The following RADIL variants were observed in gnomAD, a reference collection of about 807,000 sequenced individuals.
RADIL encodes the protein ras-associating and dilute domain-containing protein.
Under a neutral mutation model 97.6 loss-of-function variants are expected in RADIL, and 99 were observed. The observed-to-expected ratio is 1.01, with a 90% CI of 0.86 to 1.20. The LOEUF is 1.20. Ranked by LOEUF, RADIL falls within the 50% of genes most tolerant of loss-of-function variation. The pLI is 0.00. For synonymous variants in RADIL, 803 were observed against 691.8 expected (o/e 1.16, Z -2.52); for missense variants, 1,765 against 1,498.9 (o/e 1.18, Z -2.93).
At chr7:4,808,869 G>C (rs1290162431) in intron 9 of RADIL, 1 of 902,310 alleles carries the variant, frequency 1.1e-6, no homozygotes, top group African/African-American at 3.0e-5. Context: ...GCCCCTCCGC[G>C]TCTCCTTCCA....
rs60509640 is a variant in RADIL at position 4,815,593 on chromosome 7, G to T, written c.1967-143C>A. ...GATGACAGGCAGGACACCTTCCCTC[G>T]GTTTTCAAGGCAACTGACCAGCCTT... On this transcript the variant is annotated intron_variant, in intron 8 of 14. Transcript: ENST00000399583. This position sits in a 1 kb window ranked among gnomAD's most constrained non-coding sequence, Gnocchi z 8.0. The T allele has an allele frequency of 5.3e-6, 5 of 937,544 alleles. No individual in the cohort carries two copies. The highest frequency in any genetic ancestry group is 1.7e-5 in the African/African-American group (1 of 58,430). The allele number at this position is 937,544 out of a possible 1,614,324, so 58.1% of individuals were successfully genotyped here.
At chr7:4,852,147 A>G (rs1262601100) in intron 2 of RADIL, among the ~76,000 whole-genome samples, 4 of 152,208 alleles carry the variant, frequency 2.6e-5, no homozygotes, top group African/African-American at 7.2e-5. Flanking sequence ...AGAAAATTAT[A>G]CCAGCAGAAA....
intron 2 of RADIL, chr7:4,861,932 T>G: frequency 5.5e-6 from 3 of 547,100 alleles, no homozygotes; most frequent in Middle Eastern, 5.2e-4. Context: ...CCGACCCCAC[T>G]CCCACTCCCG....
intron 5 of RADIL, among the ~76,000 whole-genome samples, chr7:4,831,313 C>G (rs1022702053): frequency 6.6e-6 from 1 of 151,704 alleles, no homozygotes. Context: ...TTCTCACTTA[C>G]AAGTGGGAGC....
In RADIL at chr7:4,799,207, A is replaced by G. The variant is rs1018914044; in HGVS notation, c.*171T>C. 6.9e-5 allele frequency: 42 copies of G among 605,754 alleles called. No individual in the cohort carries two copies. The Admixed American group carries it at 1.2e-3, about 17-fold the overall frequency. 37.5% of individuals were successfully genotyped at this position (605,754 alleles called of 1,614,324 possible). A position where few individuals can be genotyped will look rare whatever the true frequency, so the allele number is the denominator to read the frequency against. On this transcript the variant is annotated 3_prime_UTR_variant, in exon 15 of 15. Coordinates refer to ENST00000399583, the MANE Select transcript of RADIL (RefSeq NM_018059.5). The stretch of plus-strand genomic sequence containing the variant: ...CACAATTTCACGTCATCTGCCATAT[A>G]AATAGAACCTACACTGAGATGCATG...
rs1238162053 is a variant in RADIL at position 4,814,559 on chromosome 7, G to T, written c.2139+719C>A. Among the ~76,000 whole-genome samples the T allele has an allele frequency of 6.6e-6, 1 of 151,960 alleles. No homozygotes were observed. The highest frequency in any genetic ancestry group is 1.5e-5 in the Non-Finnish European group (1 of 67,982). The stretch of plus-strand genomic sequence containing the variant: ...GAAGGGGGGTGGTGAGTGGCTGACT[G>T]TGTTGGGAGGGGGGTGGTGAGCAGC... On this transcript the variant is annotated intron_variant, in intron 9 of 14. Coordinates refer to ENST00000399583, the MANE Select transcript of RADIL (RefSeq NM_018059.5). The surrounding 1 kb of genome is among the most constrained non-coding windows in gnomAD (Gnocchi z 4.5).
chr7:4,825,287 T>C (rs957280347), intron 5 of RADIL, among the ~76,000 whole-genome samples: 1 of 151,854 alleles, frequency 6.6e-6, no homozygotes, highest in Non-Finnish European at 1.5e-5. Flanking sequence ...AAGGCGCGGG[T>C]ATCTCCTGCG....
Position 4,813,104 on chromosome 7 carries a change from C to CCTTT in RADIL, c.2139+2170_2139+2173dup, listed in dbSNP as rs148471896. Among the ~76,000 whole-genome samples, 1 of 147,312 alleles carries CCTTT rather than the reference C, an allele frequency of 6.8e-6. No individual in the cohort carries two copies. The highest frequency in any genetic ancestry group is 2.0e-4 in the East Asian group (1 of 5,042). ...TCTCTCTCTCTCTCTCTCTCTCTTT[C>CCTTT]CTTTCTTTCTTTCTTTTCTTTCTTT... On this transcript the variant is annotated intron_variant, in intron 9 of 14. Coordinates refer to ENST00000399583, the MANE Select transcript of RADIL (RefSeq NM_018059.5). This position sits in a 1 kb window ranked among gnomAD's most constrained non-coding sequence, Gnocchi z 5.0.
intron 9 of RADIL, among the ~76,000 whole-genome samples, chr7:4,806,537 G>A (rs78828628): frequency 0.021 from 3,162 of 152,290 alleles, 45 homozygotes; most frequent in Middle Eastern, 0.051. Flanking sequence ...AGGAAGGGTG[G>A]ATCCCTCCAA....
chr7:4,799,519 G>A lies in RADIL; in HGVS notation c.3123-36C>T, dbSNP rs754144064. On this transcript the variant is annotated intron_variant, in intron 14 of 14. Coordinates refer to ENST00000399583, the MANE Select transcript of RADIL (RefSeq NM_018059.5). Reference sequence around the variant, plus strand: ...TGCCAGAGGTGGGGGTGGGCAGGAGGGCACCAGGGGAGACCCACAGGGTGC... The same window carrying A: ...TGCCAGAGGTGGGGGTGGGCAGGAGAGCACCAGGGGAGACCCACAGGGTGC... 5.0e-6 allele frequency: 8 copies of A among 1,613,222 alleles called. No individual in the cohort carries two copies. The Admixed American group carries it at 8.3e-5, about 17-fold the overall frequency.
In RADIL at chr7:4,845,866, G is replaced by C. The variant is rs77179465; in HGVS notation, c.536-9261C>G. ...GACACAGATGGAGACAGAGCTCTCCGGGGCTGTGCCGAGGAGAGAGCAGCG... is the reference window on the plus strand; with the variant it reads ...GACACAGATGGAGACAGAGCTCTCCCGGGCTGTGCCGAGGAGAGAGCAGCG... On this transcript the variant is annotated intron_variant, in intron 2 of 14. Transcript: ENST00000399583. 6.1e-3 allele frequency among the ~76,000 whole-genome samples: 935 copies of C among 152,276 alleles called. 8 individuals are homozygous for C. The highest frequency in any genetic ancestry group is 0.021 in the African/African-American group (880 of 41,542).
chr7:4,865,788 T>G, intron 2 of RADIL: 1 of 910,126 alleles, frequency 1.1e-6, no homozygotes, highest in South Asian at 1.3e-5. Context: ...CCACAAGGTT[T>G]TTCACAGGAG....
At chr7:4,801,566 A>T in intron 12 of RADIL, 87 bp downstream of exon 12, 1 of 1,409,314 alleles carries the variant, frequency 7.1e-7, no homozygotes, top group Non-Finnish European at 9.5e-7. Context: ...CTAGGACCCA[A>T]GGGGGGAACG....
chr7:4,834,854 C>T lies in RADIL; in HGVS notation c.1169G>A (p.Gly390Glu), dbSNP rs756049141. 3.0e-6 allele frequency: 4 copies of T among 1,322,112 alleles called. No individual in the cohort carries two copies. The highest frequency in any genetic ancestry group is 3.1e-5 in the African/African-American group (2 of 64,808). The allele number at this position is 1,322,112 out of a possible 1,614,324, so 81.9% of individuals were successfully genotyped here. Residue 390 changes from glycine to glutamate, a missense_variant, in exon 4 of 15, where the codon GGA (glycine) becomes GAA (glutamate). By Grantham distance (98) the Gly-to-Glu change is moderately conservative. Transcript: ENST00000399583. The surrounding 1 kb of genome is among the most constrained non-coding windows in gnomAD (Gnocchi z 6.0). ...RLCGAALGAR[G>E]AASPTQAALP... ...GGCGGCCTGAGTAGGGGAGGCGGCT[C>T]CCCGGGCCCCGAGCGCGGCCCCGCA...
At chr7:4,812,328 C>T (rs1337331403) in intron 9 of RADIL, among the ~76,000 whole-genome samples, 1 of 152,176 alleles carries the variant, frequency 6.6e-6, no homozygotes, top group African/African-American at 2.4e-5. Context: ...CCTCTTACTA[C>T]TAATTTTTAA....
rs533522927 is a variant in RADIL, at chr7:4,832,145, G to C, written c.1450C>G (p.Gln484Glu). 2 of 1,610,148 alleles carry C rather than the reference G, an allele frequency of 1.2e-6. No homozygotes were observed. Among genetic ancestry groups the C allele is most frequent in the Non-Finnish European group, 1.7e-6 (2 of 1,177,654 alleles). The stretch of plus-strand genomic sequence containing the variant: ...CAATAACCGGGTCATACTCACAGTT[G>C]CGCCTGCTTCTCTGCTAGTTCTTTG... ...KTKELAEKQA[Q>E]LQEPISLASC... The change falls in exon 5 of 15, where the codon CAA (glutamine) becomes GAA (glutamate). Residue 484 changes from glutamine (Q) to glutamate (E), a missense_variant. Coordinates refer to ENST00000399583, the MANE Select transcript of RADIL (RefSeq NM_018059.5).
intron 2 of RADIL, among the ~76,000 whole-genome samples, chr7:4,848,347 TAA>T (rs1467439683): frequency 1.3e-5 from 2 of 151,574 alleles, no homozygotes; most frequent in Non-Finnish European, 2.9e-5. Context: ...CCTCTTATAA[TAA>T]AAGTTTTTTA....
chr7:4,807,112 G>T (rs1782335220), intron 9 of RADIL, among the ~76,000 whole-genome samples: 1 of 152,106 alleles, frequency 6.6e-6, no homozygotes, highest in Non-Finnish European at 1.5e-5. Flanking sequence ...TGGCCTCGCT[G>T]CTGGGTCCCC....
intron 9 of RADIL, chr7:4,811,078 A>T (rs1332345679): frequency 6.6e-6 from 1 of 152,246 alleles, no homozygotes; most frequent in African/African-American, 2.4e-5. Flanking sequence ...TGGAGGTTGC[A>T]GTGAGCTGAG....
Sources: gnomAD v4.1 joint callset for allele counts (sites outside exome capture counted in the v4.1 genomes callset) on GRCh38, gnomAD v4.1.1 for gene constraint, Gnocchi (gnomAD v3.1) non-coding constraint, MANE v1.5 for transcripts, NCBI Gene and HGNC (gene_info 2026-07-23, HGNC 2026-07-21) for gene names.